DOCK3: variants seen among roughly 807,000 people sequenced by gnomAD.
DOCK3 encodes dedicator of cytokinesis protein 3.
A neutral mutation model predicts 265.6 loss-of-function variants in DOCK3; 60 were observed. That is an observed-to-expected ratio of 0.23 (90% CI 0.18 to 0.28). The LOEUF (loss-of-function observed/expected upper bound fraction) is 0.28, where lower values mean the gene tolerates loss of function less well. DOCK3 is among the 10% of genes least tolerant of loss of function. The pLI is 1.00. For missense variants in DOCK3, 1,981 were observed against 2,594.3 expected (o/e 0.76, Z 5.14); for synonymous variants, 881 against 938.0 (o/e 0.94, Z 1.11).
intron 10 of DOCK3, among the ~76,000 whole-genome samples, chr3:51,150,484 A>G (rs2085526328): frequency 6.6e-6 from 1 of 152,168 alleles, no homozygotes. Flanking sequence ...AGTGCTATAC[A>G]TTTCCCTCTA....
Position 51,089,291 on chromosome 3 carries a change from G to C in DOCK3, c.591+7G>C, listed in dbSNP as rs200779657. On this transcript the variant is annotated splice_region_variant and intron_variant, in intron 8 of 52. Coordinates refer to ENST00000266037, the MANE Select transcript of DOCK3 (RefSeq NM_004947.5). ...ACAGCAAAGCACATCCCAGGTAAGC[G>C]GCTTTCCTGGGTCTTCCAGCCTTTC... 1.2e-5 allele frequency: 20 copies of C among 1,607,530 alleles called. No individual in the cohort carries two copies. In the African/African-American group the frequency reaches 2.7e-4, roughly 21 times the overall value.
chr3:51,193,967 C>T (rs2088112755), intron 12 of DOCK3, among the ~76,000 whole-genome samples: 1 of 151,482 alleles, frequency 6.6e-6, no homozygotes, highest in Admixed American at 6.6e-5. Flanking sequence ...TTTGTTCTTG[C>T]TTTTTTAGTT....
chr3:51,064,115 G>C (rs1275729836), intron 5 of DOCK3, among the ~76,000 whole-genome samples: 1 of 152,204 alleles, frequency 6.6e-6, no homozygotes, highest in Non-Finnish European at 1.5e-5. Flanking sequence ...CAACTTCTGT[G>C]AGGGAAAGCA....
intron 28 of DOCK3, among the ~76,000 whole-genome samples, chr3:51,310,797 T>G (rs974797062): frequency 2.0e-5 from 3 of 152,232 alleles, no homozygotes; most frequent in African/African-American, 7.2e-5. Context: ...TATTTCTAGC[T>G]TGTGCTTCCT....
chr3:51,149,700 G>C (rs1034097382), intron 10 of DOCK3, among the ~76,000 whole-genome samples: 5 of 152,168 alleles, frequency 3.3e-5, no homozygotes, highest in African/African-American at 1.2e-4. Flanking sequence ...CAACTTGATC[G>C]TGGTGGATAG....
intron 19 of DOCK3, among the ~76,000 whole-genome samples, chr3:51,230,054 A>T (rs569808836): frequency 2.0e-4 from 31 of 152,250 alleles, no homozygotes; most frequent in African/African-American, 6.7e-4. Flanking sequence ...AAATGACAAG[A>T]TCTCTCCCAT....
chr3:51,236,483 A>G (rs2078355048), intron 20 of DOCK3, 55 bp downstream of exon 20: 1 of 1,482,756 alleles, frequency 6.7e-7, no homozygotes, highest in Non-Finnish European at 9.3e-7. Context: ...CATATATTTC[A>G]GAAAATTTAA....
At chr3:51,204,808 C>T (rs1397355852) in intron 12 of DOCK3, among the ~76,000 whole-genome samples, 2 of 151,832 alleles carry the variant, frequency 1.3e-5, no homozygotes, top group Non-Finnish European at 2.9e-5. Flanking sequence ...AAATGTGGCA[C>T]ATATACACCA....
intron 9 of DOCK3, among the ~76,000 whole-genome samples, chr3:51,116,305 G>A (rs1454500172): frequency 6.6e-6 from 1 of 151,836 alleles, no homozygotes; most frequent in African/African-American, 2.4e-5. Context: ...CAAAAAATTA[G>A]CTGGGCGTGG....
chr3:50,918,184 A>AAT (rs2050230510), intron 4 of DOCK3, among the ~76,000 whole-genome samples: 1 of 152,066 alleles, frequency 6.6e-6, no homozygotes, highest in Non-Finnish European at 1.5e-5. Context: ...GTTGGTTCCA[A>AAT]GTCTTTGCTA....
Position 50,914,563 on chromosome 3 carries a change from C to T in DOCK3, c.219-19418C>T, listed in dbSNP as rs144587644. Among the ~76,000 whole-genome samples, 106 of 152,138 alleles carry T rather than the reference C, an allele frequency of 7.0e-4. 1 individual carries two copies. Among genetic ancestry groups the T allele is most frequent in the African/African-American group, 2.5e-3 (102 of 41,440 alleles). On this transcript the variant is annotated intron_variant, in intron 4 of 52. Coordinates refer to ENST00000266037, the MANE Select transcript of DOCK3 (RefSeq NM_004947.5). ...TTGTGGTCAGAAAAGATAGTTGATA[C>T]GATTTCAGTTCTTTTAAGTTTGTTG...
At chr3:50,986,850 G>C (rs1357945327) in intron 5 of DOCK3, among the ~76,000 whole-genome samples, 1 of 152,170 alleles carries the variant, frequency 6.6e-6, no homozygotes. Context: ...TCCTGAAGTT[G>C]TTCATACTTT....
intron 10 of DOCK3, among the ~76,000 whole-genome samples, chr3:51,153,354 C>T (rs866135387): frequency 1.2e-4 from 19 of 152,160 alleles, no homozygotes; most frequent in South Asian, 2.1e-4. Context: ...TTGCTAAGAC[C>T]GTTGTAAAAG....
At chr3:51,142,630 A>G (rs541488039) in intron 9 of DOCK3, among the ~76,000 whole-genome samples, 1 of 152,074 alleles carries the variant, frequency 6.6e-6, no homozygotes, top group African/African-American at 2.4e-5. Context: ...TATCCCCCTG[A>G]TGGATATTTG....
chr3:51,130,378 C>T (rs1320488800), intron 9 of DOCK3, among the ~76,000 whole-genome samples: 1 of 152,234 alleles, frequency 6.6e-6, no homozygotes, highest in Non-Finnish European at 1.5e-5. Context: ...CAGCTGAAAG[C>T]AGATTGCTTC....
intron 2 of DOCK3, among the ~76,000 whole-genome samples, chr3:50,810,506 G>A (rs2043684182): frequency 6.6e-6 from 1 of 151,980 alleles, no homozygotes; most frequent in Non-Finnish European, 1.5e-5. Flanking sequence ...TTGCACCACT[G>A]CACTCCAGCC....
intron 6 of DOCK3, among the ~76,000 whole-genome samples, chr3:51,073,236 C>T (rs1303447322): frequency 1.3e-5 from 2 of 152,120 alleles, no homozygotes; most frequent in Admixed American, 1.3e-4. Flanking sequence ...ATGCTAATAT[C>T]ATTCTTGTGA....
intron 1 of DOCK3, among the ~76,000 whole-genome samples, chr3:50,752,942 T>G (rs910557051): frequency 1.3e-5 from 2 of 152,190 alleles, no homozygotes; most frequent in Non-Finnish European, 2.9e-5. Flanking sequence ...ATATATGACA[T>G]TGGTACTATT....
At chr3:51,052,516 A>G (rs888230949) in intron 5 of DOCK3, among the ~76,000 whole-genome samples, 2 of 152,184 alleles carry the variant, frequency 1.3e-5, no homozygotes, top group Non-Finnish European at 2.9e-5. Flanking sequence ...GAATGAATGA[A>G]TGGACTAGAG....
Sources: allele counts gnomAD v4.1 joint callset (sites outside exome capture counted in the v4.1 genomes callset), GRCh38; gene constraint gnomAD v4.1.1; transcripts MANE v1.5; gene names NCBI Gene and HGNC (gene_info 2026-07-23, HGNC 2026-07-21).